The following ASIC2 variants were observed in gnomAD, a reference collection of about 807,000 sequenced individuals.
The protein encoded by ASIC2 is acid sensing ion channel subunit 2.
A neutral mutation model predicts 57.3 loss-of-function variants in ASIC2; 25 were observed. The ratio of observed to expected loss-of-function variants is 0.44; its 90% CI spans 0.32 to 0.61. The LOEUF (loss-of-function observed/expected upper bound fraction) is 0.61. ASIC2 is among the 20% of genes least tolerant of loss of function. The pLI, the probability that ASIC2 is intolerant of heterozygous loss-of-function variation, is 0.06. For synonymous variants in ASIC2, 319 were observed against 307.5 expected, an observed-to-expected ratio of 1.04 and a Z score of -0.39; for missense variants, 641 against 738.1, an observed-to-expected ratio of 0.87 and a Z score of 1.52.
chr17:34,142,328 A>G (rs192605748), intron 1 of ASIC2, among the ~76,000 whole-genome samples: 6 of 152,312 alleles, frequency 3.9e-5, no homozygotes, highest in African/African-American at 9.6e-5. Context: ...GAGTATTCCA[A>G]GAAAAAAACC....
intron 1 of ASIC2, among the ~76,000 whole-genome samples, chr17:33,991,858 G>A (rs1378638611): frequency 6.6e-6 from 1 of 152,148 alleles, no homozygotes; most frequent in East Asian, 1.9e-4. Flanking sequence ...GGCTTATTAG[G>A]AGCAATTTAG....
rs55762932 is a variant in ASIC2, at chr17:33,783,485, C to T, written c.555+372493G>A. 5.9e-3 allele frequency among the ~76,000 whole-genome samples: 900 copies of T among 152,260 alleles called. 11 individuals carry two copies. Among genetic ancestry groups the T allele is most frequent in the South Asian group, 0.057 (274 of 4,820 alleles). On this transcript the variant is annotated intron_variant, in intron 1 of 9. Coordinates refer to the ASIC2 transcript ENST00000359872. Reference sequence around the variant, plus strand: ...ATATGTTAGATGCTCAAAGCATTTGCGATATTAGGACTACTGTTGTTGGTG... The same window carrying T: ...ATATGTTAGATGCTCAAAGCATTTGTGATATTAGGACTACTGTTGTTGGTG...
chr17:33,976,499 C>T (rs1235338610), intron 1 of ASIC2: 1 of 152,194 alleles, frequency 6.6e-6, no homozygotes, highest in Non-Finnish European at 1.5e-5. Flanking sequence ...CAATTGCTCT[C>T]TTCCAACTGG....
intron 3 of ASIC2, among the ~76,000 whole-genome samples, chr17:33,053,335 A>G (rs2091985064): frequency 6.6e-6 from 1 of 152,226 alleles, no homozygotes; most frequent in South Asian, 2.1e-4. Context: ...TTAGCTTATA[A>G]CTTGAAGAGC....
intron 1 of ASIC2, among the ~76,000 whole-genome samples, chr17:33,879,595 A>C (rs1203991580): frequency 6.6e-6 from 1 of 152,238 alleles, no homozygotes; most frequent in Non-Finnish European, 1.5e-5. Context: ...GAGCACCCAG[A>C]TTCATGAAGC....
At chr17:33,346,208 C>T (rs983227888) in intron 1 of ASIC2, among the ~76,000 whole-genome samples, 16 of 105,706 alleles carry the variant, frequency 1.5e-4, no homozygotes, top group African/African-American at 6.1e-4. Flanking sequence ...GCCTGGGTGA[C>T]AGAGAGAGAT....
At chr17:33,523,270 T>C (rs941389084) in intron 1 of ASIC2, among the ~76,000 whole-genome samples, 1 of 152,188 alleles carries the variant, frequency 6.6e-6, no homozygotes, top group African/African-American at 2.4e-5. Context: ...ATGTATTTAC[T>C]TTTTGAGATG....
At chr17:33,788,901 G>T (rs551372331) in intron 1 of ASIC2, among the ~76,000 whole-genome samples, 5 of 152,238 alleles carry the variant, frequency 3.3e-5, no homozygotes, top group East Asian at 3.9e-4. Context: ...GGGCCTGTTG[G>T]GGGGGTTGGG....
chr17:33,111,279 G>T (rs1021916875), intron 2 of ASIC2, among the ~76,000 whole-genome samples: 3 of 152,188 alleles, frequency 2.0e-5, no homozygotes, highest in African/African-American at 7.2e-5. Flanking sequence ...TCAAGGACTT[G>T]ATCTTTTTCA....
intron 1 of ASIC2, among the ~76,000 whole-genome samples, chr17:33,754,866 G>A (rs28555563): frequency 0.012 from 1,763 of 146,056 alleles, 33 homozygotes; most frequent in African/African-American, 0.04. Flanking sequence ...GCTGAGGCAG[G>A]AGAATGGTGT....
Position 33,818,521 on chromosome 17 carries a change from TG to T in ASIC2, c.555+337456del, listed in dbSNP as rs1159077650. 2.0e-5 allele frequency among the ~76,000 whole-genome samples: 3 copies of T among 152,058 alleles called. No homozygotes were observed. The East Asian group carries it at 5.8e-4, about 29-fold the overall frequency. ...TGAAGCGGTGGTTCTCAACCTCAGA[TG>T]GGGGAAGGTAATTTTGTCCCCCAGG... On this transcript the variant is annotated intron_variant, in intron 1 of 9. Coordinates refer to the ASIC2 transcript ENST00000359872.
intron 1 of ASIC2, among the ~76,000 whole-genome samples, chr17:33,203,216 A>G (rs1033577043): frequency 2.0e-5 from 3 of 152,254 alleles, no homozygotes; most frequent in East Asian, 1.9e-4. Context: ...GCCCGAAGGC[A>G]GGGATCACAT....
chr17:33,474,656 C>T (rs1176214459), intron 1 of ASIC2, among the ~76,000 whole-genome samples: 2 of 152,188 alleles, frequency 1.3e-5, no homozygotes, highest in Non-Finnish European at 1.5e-5. Flanking sequence ...TTTCTTCCCT[C>T]TGACATTTTT....
chr17:33,953,036 T>C (rs563608273), intron 1 of ASIC2, among the ~76,000 whole-genome samples: 2 of 152,222 alleles, frequency 1.3e-5, no homozygotes, highest in Non-Finnish European at 2.9e-5. Flanking sequence ...TATTTTATAA[T>C]GGGTTAAACA....
chr17:34,021,781 C>T (rs1907166428), intron 1 of ASIC2, among the ~76,000 whole-genome samples: 1 of 151,654 alleles, frequency 6.6e-6, no homozygotes, highest in African/African-American at 2.4e-5. Context: ...TATAACTCAA[C>T]TGACCGGGGA....
chr17:33,391,392 A>G (rs754265236), intron 1 of ASIC2, among the ~76,000 whole-genome samples: 7 of 152,234 alleles, frequency 4.6e-5, no homozygotes, highest in Non-Finnish European at 1.0e-4. Flanking sequence ...TTGGTCAAGC[A>G]TTCAATCATG....
At chr17:33,964,219 C>A (rs995962550) in intron 1 of ASIC2, among the ~76,000 whole-genome samples, 2 of 152,200 alleles carry the variant, frequency 1.3e-5, no homozygotes, top group East Asian at 1.9e-4. Flanking sequence ...GCCTGTACAG[C>A]CAACTCCAGC....
In ASIC2 at chr17:33,292,875, C is replaced by T. The variant is rs1905558144; in HGVS notation, c.-760G>A. 2 of 985,542 alleles carry T rather than the reference C, an allele frequency of 2.0e-6. No homozygotes were observed. Among genetic ancestry groups the T allele is most frequent in the African/African-American group, 1.7e-5 (1 of 57,376 alleles). The allele number at this position is 985,542 out of a possible 1,614,324, so 61.0% of individuals were successfully genotyped here. A position where few individuals can be genotyped will look rare whatever the true frequency, so the allele number is the denominator to read the frequency against. ...CTAAGTCCTGCCAGGCGCCCGCTCTCGCCTGGGGCTGAGAGCTTCTCAGGG... is the reference window on the plus strand; with the variant it reads ...CTAAGTCCTGCCAGGCGCCCGCTCTTGCCTGGGGCTGAGAGCTTCTCAGGG... On this transcript the variant is annotated 5_prime_UTR_variant, in exon 1 of 10. Transcript: ENST00000225823.
chr17:33,688,451 CCA>C (rs1051647654), intron 1 of ASIC2, among the ~76,000 whole-genome samples: 11 of 152,020 alleles, frequency 7.2e-5, no homozygotes, highest in African/African-American at 2.7e-4. Flanking sequence ...ATTAGTACAC[CCA>C]CTCACCTGTG....
Sources: gnomAD v4.1 joint callset for allele counts (sites outside exome capture counted in the v4.1 genomes callset) on GRCh38, gnomAD v4.1.1 for gene constraint, MANE v1.5 for transcripts, NCBI Gene and HGNC (gene_info 2026-07-23, HGNC 2026-07-21) for gene names.